The following ZBTB7C variants were observed in gnomAD, a reference collection of about 807,000 sequenced individuals.
The protein encoded by ZBTB7C is zinc finger and BTB domain containing 7C, also known as zinc finger and BTB domain-containing protein 7C.
In ZBTB7C, 8 loss-of-function variants were observed where a neutral mutation model predicts 25.7. The ratio of observed to expected loss-of-function variants is 0.31; its 90% CI spans 0.18 to 0.56. The LOEUF is 0.56. Among genes scored for constraint, ZBTB7C ranks in the 20% least tolerant of loss-of-function variants. The pLI is 0.91. For missense variants in ZBTB7C, 824 were observed against 855.2 expected, an observed-to-expected ratio of 0.96 and a Z score of 0.46; for synonymous variants, 394 against 369.0, an observed-to-expected ratio of 1.07 and a Z score of -0.78.
intron 2 of ZBTB7C, among the ~76,000 whole-genome samples, chr18:48,225,417 AC>A (rs1484554247): frequency 2.6e-5 from 4 of 152,050 alleles, no homozygotes; most frequent in Non-Finnish European, 5.9e-5. Flanking sequence ...AAGCACAGTG[AC>A]CCAAGACCCA....
chr18:48,346,286 C>G (rs1251340289), intron 1 of ZBTB7C, among the ~76,000 whole-genome samples: 1 of 152,248 alleles, frequency 6.6e-6, no homozygotes, highest in Non-Finnish European at 1.5e-5. Context: ...CCTCTGCCAC[C>G]AGCACAAGGC....
chr18:48,099,807 C>A (rs749499891), intron 3 of ZBTB7C, among the ~76,000 whole-genome samples: 1 of 152,246 alleles, frequency 6.6e-6, no homozygotes, highest in African/African-American at 2.4e-5. Flanking sequence ...AGGACAGGTA[C>A]AGAGGCTCTG....
At chr18:48,046,752 C>G (rs1323545117) in intron 3 of ZBTB7C, among the ~76,000 whole-genome samples, 1 of 151,958 alleles carries the variant, frequency 6.6e-6, no homozygotes, top group African/African-American at 2.4e-5. Flanking sequence ...AGAGCAATGT[C>G]TACTTGCGAC....
chr18:48,296,932 G>A (rs943635382), intron 2 of ZBTB7C, among the ~76,000 whole-genome samples: 7 of 152,302 alleles, frequency 4.6e-5, no homozygotes, highest in African/African-American at 1.2e-4. Flanking sequence ...GCCAAACCCC[G>A]TCTCTACTAA....
At chr18:48,346,019 A>T (rs1001019537) in intron 1 of ZBTB7C, among the ~76,000 whole-genome samples, 1 of 152,228 alleles carries the variant, frequency 6.6e-6, no homozygotes, top group Non-Finnish European at 1.5e-5. Context: ...GATTTTCTAG[A>T]CAACTGAACA....
rs556639097 is a variant in ZBTB7C at position 48,042,708 on chromosome 18, G to A, written c.-16-1585C>T. ...GCAATCCCACTGGCCAGGTGTTCAG[G>A]AGGCTTCCCAGAGCTAAGGCCTCAC... is the stretch of plus-strand genomic sequence containing the variant. On this transcript the variant is annotated intron_variant, in intron 3 of 4. Transcript: ENST00000590800. Among the ~76,000 whole-genome samples the A allele has an allele frequency of 5.9e-5, 9 of 152,280 alleles. No individual in the cohort carries two copies. In the South Asian group the frequency reaches 1.7e-3, roughly 28 times the overall value.
At chr18:48,372,596 G>A (rs745764524) in intron 1 of ZBTB7C, among the ~76,000 whole-genome samples, 12 of 152,186 alleles carry the variant, frequency 7.9e-5, no homozygotes, top group Non-Finnish European at 1.3e-4. Context: ...TGGACAGTTA[G>A]CAATGATTGA....
intron 1 of ZBTB7C, among the ~76,000 whole-genome samples, chr18:48,386,112 C>T (rs1376761255): frequency 6.6e-6 from 1 of 152,216 alleles, no homozygotes; most frequent in Non-Finnish European, 1.5e-5. Context: ...ATAGGCTGCT[C>T]TCTTTGGTTA....
chr18:48,105,878 C>T (rs1302066785), intron 3 of ZBTB7C, among the ~76,000 whole-genome samples: 1 of 152,140 alleles, frequency 6.6e-6, no homozygotes, highest in African/African-American at 2.4e-5. Context: ...TCTTGTGTCT[C>T]AATATACAAC....
intron 2 of ZBTB7C, among the ~76,000 whole-genome samples, chr18:48,227,797 G>T (rs2043143000): frequency 6.6e-6 from 1 of 152,188 alleles, no homozygotes; most frequent in Non-Finnish European, 1.5e-5. Flanking sequence ...AAAATTATAG[G>T]CTGCCTGGAA....
intron 1 of ZBTB7C, among the ~76,000 whole-genome samples, chr18:48,402,315 G>A (rs1050226877): frequency 6.6e-6 from 1 of 151,626 alleles, no homozygotes; most frequent in Non-Finnish European, 1.5e-5. Flanking sequence ...TCCTTGTCAT[G>A]GTTAAATAAG....
intron 3 of ZBTB7C, among the ~76,000 whole-genome samples, chr18:48,151,737 T>C (rs1327978063): frequency 6.6e-6 from 1 of 152,214 alleles, no homozygotes; most frequent in Non-Finnish European, 1.5e-5. Context: ...CCAATCTCCC[T>C]GCCAGCTGTG....
intron 3 of ZBTB7C, among the ~76,000 whole-genome samples, chr18:48,142,900 C>G (rs549247958): frequency 6.6e-6 from 1 of 151,686 alleles, no homozygotes; most frequent in Non-Finnish European, 1.5e-5. Context: ...CCCTTCCTTC[C>G]CTTCACAGGT....
At chr18:48,140,955 C>A (rs2040323933) in intron 3 of ZBTB7C, among the ~76,000 whole-genome samples, 1 of 152,190 alleles carries the variant, frequency 6.6e-6, no homozygotes, top group Non-Finnish European at 1.5e-5. Flanking sequence ...GTCTCTCTGC[C>A]CCATTCCTGT....
intron 1 of ZBTB7C, among the ~76,000 whole-genome samples, chr18:48,387,250 A>G (rs1019358192): frequency 4.6e-5 from 7 of 152,194 alleles, no homozygotes; most frequent in African/African-American, 7.2e-5. Flanking sequence ...CTGGTTTCTG[A>G]ACTCATTGGA....
rs560404098 is a variant in ZBTB7C at position 48,312,952 on chromosome 18, G to T, written c.-79+25222C>A. Among the ~76,000 whole-genome samples, 51 of 152,290 alleles carry T rather than the reference G, an allele frequency of 3.3e-4. No homozygotes were observed. The South Asian group carries it at 9.5e-3, about 28-fold the overall frequency. ...CATGTGAACCTTCTTGACCACAGAG[G>T]CCGATGCTAAATGTAATAGTTCTTC... On this transcript the variant is annotated intron_variant, in intron 2 of 4. Coordinates refer to ENST00000590800, the MANE Select transcript of ZBTB7C (RefSeq NM_001318841.2).
upstream of ZBTB7C, among the ~76,000 whole-genome samples, chr18:48,412,362 G>A (rs372645471): frequency 1.1e-4 from 16 of 152,152 alleles, no homozygotes; most frequent in African/African-American, 2.4e-4. Flanking sequence ...TAGAACTTAC[G>A]GTTTCCATTG....
At chr18:48,112,871 T>A (rs1598901305) in intron 3 of ZBTB7C, among the ~76,000 whole-genome samples, 1 of 152,218 alleles carries the variant, frequency 6.6e-6, no homozygotes, top group Admixed American at 6.5e-5. Flanking sequence ...AATTTTTTTT[T>A]ATGAAATGAG....
chr18:48,284,099 A>G (rs2044955699), intron 2 of ZBTB7C, among the ~76,000 whole-genome samples: 1 of 151,978 alleles, frequency 6.6e-6, no homozygotes, highest in Non-Finnish European at 1.5e-5. Context: ...ATGAGCCGAG[A>G]TTGCACCACT....
Sources: allele counts gnomAD v4.1 joint callset (sites outside exome capture counted in the v4.1 genomes callset), GRCh38; gene constraint gnomAD v4.1.1; transcripts MANE v1.5; gene names NCBI Gene and HGNC (gene_info 2026-07-23, HGNC 2026-07-21).